Variants in REEP1 observed in about 807,000 individuals in gnomAD.
The protein encoded by REEP1 is receptor expression-enhancing protein 1.
Under a neutral mutation model 40.3 loss-of-function variants are expected in REEP1, and 22 were observed. That is an observed-to-expected ratio of 0.55 (90% CI 0.39 to 0.78). The LOEUF is 0.78. Among genes scored for constraint, REEP1 ranks in the 30% least tolerant of loss-of-function variants. REEP1 has a pLI of 0.00. For missense variants in REEP1, 280 were observed against 361.1 expected, an observed-to-expected ratio of 0.78 and a Z score of 1.82; for synonymous variants, 116 against 139.2, an observed-to-expected ratio of 0.83 and a Z score of 1.17.
chr2:86,226,123 C>CCACCACCACCAT (rs1558870056), intron 7 of REEP1, among the ~76,000 whole-genome samples: 7 of 139,644 alleles, frequency 5.0e-5, no homozygotes, highest in Non-Finnish European at 7.6e-5. Flanking sequence ...ACCATCATCA[C>CCACCACCACCAT]CACCACCACC....
chr2:86,321,849 T>A (rs975523846), intron 1 of REEP1, among the ~76,000 whole-genome samples: 4 of 152,224 alleles, frequency 2.6e-5, no homozygotes, highest in Non-Finnish European at 5.9e-5. Flanking sequence ...TGTTGAAGCA[T>A]CCCTTTTTAA....
intron 5 of REEP1, among the ~76,000 whole-genome samples, chr2:86,234,898 C>T (rs772221747): frequency 4.6e-5 from 7 of 152,104 alleles, no homozygotes; most frequent in Non-Finnish European, 7.3e-5. Context: ...GATTATTTTA[C>T]GCAGAAACAT....
At chr2:86,337,915 C>T, upstream of REEP1, 1 of 1,105,704 alleles carries the variant, frequency 9.0e-7, no homozygotes, top group Non-Finnish European at 1.3e-6. This position sits in a 1 kb window ranked among gnomAD's most constrained non-coding sequence, Gnocchi z 5.8. Flanking sequence ...AGCGTTCCAG[C>T]GGAGAAACTG....
intron 1 of REEP1, among the ~76,000 whole-genome samples, chr2:86,298,758 C>T (rs180790137): frequency 2.6e-5 from 4 of 152,332 alleles, no homozygotes; most frequent in Admixed American, 2.0e-4. Flanking sequence ...TGGACAGTCA[C>T]CCTTGCCATG....
chr2:86,300,373 C>A (rs948129243), intron 1 of REEP1, among the ~76,000 whole-genome samples: 7 of 152,130 alleles, frequency 4.6e-5, no homozygotes, highest in Admixed American at 1.3e-4. Flanking sequence ...CGCTTCCAGG[C>A]CCTCAACAGT....
intron 2 of REEP1, 62 bp downstream of exon 2, chr2:86,282,108 C>T (rs1558912078): frequency 2.6e-6 from 3 of 1,171,004 alleles, no homozygotes; most frequent in East Asian, 2.4e-5. Flanking sequence ...TCCCCTTCTC[C>T]CAACATTTCA....
chr2:86,245,281 G>A (rs912371365), intron 5 of REEP1, among the ~76,000 whole-genome samples: 1 of 152,204 alleles, frequency 6.6e-6, no homozygotes, highest in African/African-American at 2.4e-5. Flanking sequence ...GCCACAAGAG[G>A]CCTCTAAGGA....
At chr2:86,306,548 C>T (rs1295272704) in intron 1 of REEP1, among the ~76,000 whole-genome samples, 5 of 152,304 alleles carry the variant, frequency 3.3e-5, no homozygotes, top group South Asian at 2.1e-4. Context: ...AAACTATCTA[C>T]AGTACTGCAA....
chr2:86,315,735 C>T (rs1262192848), intron 1 of REEP1, among the ~76,000 whole-genome samples: 1 of 152,122 alleles, frequency 6.6e-6, no homozygotes, highest in Non-Finnish European at 1.5e-5. Context: ...GGTAAGAGGA[C>T]CCAGATGCTC....
At chr2:86,328,533 G>C (rs1383527790) in intron 1 of REEP1, among the ~76,000 whole-genome samples, 3 of 152,206 alleles carry the variant, frequency 2.0e-5, no homozygotes, top group Non-Finnish European at 4.4e-5. Context: ...CAAAAAATTA[G>C]CTGGGCGTGG....
chr2:86,285,867 T>C (rs967437050), intron 1 of REEP1, among the ~76,000 whole-genome samples: 1 of 152,122 alleles, frequency 6.6e-6, no homozygotes, highest in Non-Finnish European at 1.5e-5. Context: ...TGTGGTAAGA[T>C]AAGAGGGTCT....
chr2:86,245,007 G>T (rs537560333), intron 5 of REEP1, among the ~76,000 whole-genome samples: 1 of 152,182 alleles, frequency 6.6e-6, no homozygotes, highest in Non-Finnish European at 1.5e-5. Context: ...CTAGCCAGGC[G>T]TGGGGGCAGG....
intron 5 of REEP1, among the ~76,000 whole-genome samples, chr2:86,234,447 G>A (rs1020459761): frequency 1.8e-4 from 28 of 152,186 alleles, no homozygotes; most frequent in African/African-American, 6.0e-4. Context: ...GAGCCCAAGA[G>A]GTAGAGCCTG....
At chr2:86,325,562 T>A (rs1438802285) in intron 1 of REEP1, among the ~76,000 whole-genome samples, 1 of 152,204 alleles carries the variant, frequency 6.6e-6, no homozygotes, top group African/African-American at 2.4e-5. Flanking sequence ...TGATTAAATG[T>A]AATCACAAGT....
At chr2:86,256,485 C>T (rs1376301543) in intron 3 of REEP1, among the ~76,000 whole-genome samples, 1 of 152,252 alleles carries the variant, frequency 6.6e-6, no homozygotes, top group East Asian at 1.9e-4. Flanking sequence ...CCCCAATCAT[C>T]CCAGGGCCAG....
chr2:86,248,324 G>A (rs1676081226), intron 5 of REEP1, among the ~76,000 whole-genome samples: 1 of 152,198 alleles, frequency 6.6e-6, no homozygotes, highest in South Asian at 2.1e-4. Context: ...GGTGTTTTGT[G>A]GGAGGAGAAG....
chr2:86,266,133 G>C (rs1239861408), intron 2 of REEP1, among the ~76,000 whole-genome samples: 2 of 152,114 alleles, frequency 1.3e-5, no homozygotes, highest in African/African-American at 4.8e-5. Context: ...GCTTTAAAAG[G>C]TATCAATACG....
At chr2:86,251,516 G>T in intron 5 of REEP1, 1 of 227,282 alleles carries the variant, frequency 4.4e-6, no homozygotes. Flanking sequence ...GCTTGCTCAG[G>T]TAGTCTCTCC....
chr2:86,289,454 T>C (rs1678579574), intron 1 of REEP1, among the ~76,000 whole-genome samples: 3 of 152,222 alleles, frequency 2.0e-5, no homozygotes, highest in African/African-American at 7.2e-5. Context: ...AATCCTGATA[T>C]TCTTAAAATT....
Sources: gnomAD v4.1 joint callset for allele counts (sites outside exome capture counted in the v4.1 genomes callset) on GRCh38, gnomAD v4.1.1 for gene constraint, Gnocchi (gnomAD v3.1) non-coding constraint, MANE v1.5 for transcripts, NCBI Gene and HGNC (gene_info 2026-07-23, HGNC 2026-07-21) for gene names.